DENND2A: variants seen among roughly 807,000 people sequenced by gnomAD.
DENND2A encodes the protein DENN domain containing 2A.
DENND2A carries 53 observed loss-of-function variants against 105.3 expected under a neutral mutation model. The observed-to-expected ratio is 0.50, with a 90% CI of 0.40 to 0.63. The LOEUF is 0.63. Ranked by LOEUF, DENND2A falls within the 30% of genes least tolerant of loss-of-function variation. The probability of loss-of-function intolerance (pLI) is 0.00; values close to 1 mark genes in which losing one functional copy is unlikely to be tolerated. For missense variants in DENND2A, 1,138 were observed against 1,279.6 expected (o/e 0.89, Z 1.69); for synonymous variants, 522 against 508.4 (o/e 1.03, Z -0.36).
chr7:140,618,783 T>TA (rs1353872315), intron 1 of DENND2A, among the ~76,000 whole-genome samples: 1 of 152,042 alleles, frequency 6.6e-6, no homozygotes, highest in Admixed American at 6.6e-5. Context: ...TTTTTTACGG[T>TA]TGTATGATTA....
chr7:140,585,487 G>C, intron 5 of DENND2A, 102 bp downstream of exon 5: 1 of 1,519,982 alleles, frequency 6.6e-7, no homozygotes, highest in Non-Finnish European at 9.0e-7. Context: ...GGCAGGGCAG[G>C]TGGAGGTGGC....
chr7:140,583,060 G>C (rs1798607062), intron 5 of DENND2A, among the ~76,000 whole-genome samples: 1 of 152,054 alleles, frequency 6.6e-6, no homozygotes, highest in Non-Finnish European at 1.5e-5. Flanking sequence ...GGGAGGCTGA[G>C]GCGGGTAGAT....
Position 140,551,256 on chromosome 7 carries a change from C to T in DENND2A, c.2038-4317G>A, listed in dbSNP as rs191594423. Among the ~76,000 whole-genome samples the T allele has an allele frequency of 2.9e-3, 420 of 142,908 alleles. 2 individuals carry two copies. Among genetic ancestry groups the T allele is most frequent in the Non-Finnish European group, 4.1e-3 (274 of 66,928 alleles). 93.8% of individuals were successfully genotyped at this position (142,908 alleles called of 152,430 possible). A position where few individuals can be genotyped will look rare whatever the true frequency, so the allele number is the denominator to read the frequency against. On this transcript the variant is annotated intron_variant, in intron 12 of 19. Coordinates refer to ENST00000496613, the MANE Select transcript of DENND2A (RefSeq NM_015689.5). ...TGGAGGTTGCAGTGAGCCAAGATCA[C>T]GCCACTGCCCTCCAGCCTGGGCGAC...
intron 1 of DENND2A, among the ~76,000 whole-genome samples, chr7:140,636,946 G>A (rs1232237703): frequency 6.6e-6 from 1 of 151,962 alleles, no homozygotes; most frequent in East Asian, 1.9e-4. Flanking sequence ...TGCAACCTCC[G>A]CCTCCTGGGT....
intron 1 of DENND2A, among the ~76,000 whole-genome samples, chr7:140,621,481 A>T (rs1210450485): frequency 1.3e-5 from 2 of 149,238 alleles, no homozygotes; most frequent in Admixed American, 1.4e-4. Flanking sequence ...AAATGCAAAC[A>T]CCCTAGGCAT....
chr7:140,570,759 C>T (rs1219543404), intron 6 of DENND2A, among the ~76,000 whole-genome samples: 2 of 152,248 alleles, frequency 1.3e-5, no homozygotes, highest in Non-Finnish European at 2.9e-5. Context: ...ACGCCCTGTG[C>T]CCTGCCCCTC....
Position 140,537,842 on chromosome 7 carries a change from G to A in DENND2A, c.2327+6776C>T, listed in dbSNP as rs78619203. On this transcript the variant is annotated intron_variant, in intron 14 of 19. Coordinates refer to ENST00000496613, the MANE Select transcript of DENND2A (RefSeq NM_015689.5). ...TTTTGCACATATTTGTTTACGTGCA[G>A]CTCTGACTTTATCATTCAGCCTGGT... Among the ~76,000 whole-genome samples, 1,146 of 152,286 alleles carry A rather than the reference G, an allele frequency of 7.5e-3. 19 individuals are homozygous for A. The highest frequency in any genetic ancestry group is 0.026 in the African/African-American group (1,080 of 41,552).
intron 3 of DENND2A, among the ~76,000 whole-genome samples, chr7:140,593,669 A>G (rs1799156843): frequency 6.6e-6 from 1 of 152,212 alleles, no homozygotes; most frequent in Non-Finnish European, 1.5e-5. Context: ...AAACCTGGAA[A>G]TCAGACTCCT....
chr7:140,606,398 T>C (rs77665018), intron 1 of DENND2A, among the ~76,000 whole-genome samples: 195 of 152,206 alleles, frequency 1.3e-3, no homozygotes, highest in Non-Finnish European at 2.2e-3. Context: ...CATACAAACT[T>C]AGAAAGCAAA....
At chr7:140,636,278 C>T (rs530206078) in intron 1 of DENND2A, among the ~76,000 whole-genome samples, 137 of 152,304 alleles carry the variant, frequency 9.0e-4, no homozygotes, top group Non-Finnish European at 1.7e-3. Context: ...AAACCAGTTT[C>T]ACTAAAATCT....
At chr7:140,544,433 G>A in intron 14 of DENND2A, 185 bp downstream of exon 14, 1 of 722,860 alleles carries the variant, frequency 1.4e-6, no homozygotes, top group Non-Finnish European at 2.4e-6. Context: ...GGTCTCAAGT[G>A]ATCCACCCAC....
rs1801166938 is a variant in DENND2A at position 140,640,620 on chromosome 7, T to C, written c.-364A>G. The C allele has an allele frequency of 1.4e-5, 2 of 148,100 alleles. No homozygotes were observed. 9.2% of individuals were successfully genotyped at this position (148,100 alleles called of 1,614,324 possible). ...GCGGCGGCGGGTGCCGGGGACGCCATGGCCCTCCGCCCTCCGCCCCTTTGT... is the reference window on the plus strand; with the variant it reads ...GCGGCGGCGGGTGCCGGGGACGCCACGGCCCTCCGCCCTCCGCCCCTTTGT... On this transcript the variant is annotated 5_prime_UTR_variant, in exon 1 of 20. The change abolishes an upstream ATG in the 5' untranslated region. Transcript: ENST00000496613. The surrounding 1 kb of genome is among the most constrained non-coding windows in gnomAD (Gnocchi z 4.9).
intron 10 of DENND2A, among the ~76,000 whole-genome samples, chr7:140,558,837 C>T (rs1466048904): frequency 3.5e-5 from 5 of 143,704 alleles, no homozygotes; most frequent in African/African-American, 5.2e-5. Context: ...GAGTCTCACT[C>T]GGTTGCCCAG....
chr7:140,632,863 C>A (rs1318693153), intron 1 of DENND2A, among the ~76,000 whole-genome samples: 1 of 143,266 alleles, frequency 7.0e-6, no homozygotes, highest in Admixed American at 6.8e-5. Flanking sequence ...CCATGCCTGG[C>A]CTTTTTTTTT....
chr7:140,528,775 G>T (rs1244316113), intron 14 of DENND2A, among the ~76,000 whole-genome samples: 1 of 131,830 alleles, frequency 7.6e-6, no homozygotes, highest in Non-Finnish European at 1.6e-5. Context: ...AAAAAAAAAA[G>T]AGATGACTGA....
chr7:140,639,345 C>G (rs1801089509), intron 1 of DENND2A, among the ~76,000 whole-genome samples: 1 of 151,864 alleles, frequency 6.6e-6, no homozygotes, highest in Admixed American at 6.6e-5. Flanking sequence ...GAGCAAGACT[C>G]TGTCTCAAAA....
intron 11 of DENND2A, among the ~76,000 whole-genome samples, chr7:140,557,054 A>C (rs1797391241): frequency 6.6e-6 from 1 of 152,150 alleles, no homozygotes; most frequent in Non-Finnish European, 1.5e-5. Context: ...TTTATTAGAA[A>C]AAAAAAAATT....
intron 18 of DENND2A, among the ~76,000 whole-genome samples, chr7:140,520,262 C>T (rs1468962192): frequency 6.6e-5 from 10 of 151,564 alleles, no homozygotes; most frequent in South Asian, 2.1e-4. Context: ...GCCAAGGTCA[C>T]GCCTTTGCAC....
chr7:140,621,572 T>C lies in DENND2A; in HGVS notation c.-247-15766A>G, dbSNP rs937963599. ...TATTTTCAGTCTGTGGTTGATTGAA[T>C]CCTCGGATGCGGAACTCACAGATAC... On this transcript the variant is annotated intron_variant, in intron 1 of 19. Coordinates refer to ENST00000496613, the MANE Select transcript of DENND2A (RefSeq NM_015689.5). Among the ~76,000 whole-genome samples the C allele has an allele frequency of 7.9e-4, 121 of 152,270 alleles. 1 individual carries two copies. The highest frequency in any genetic ancestry group is 1.5e-4 in the Non-Finnish European group (10 of 68,022).
Sources: allele counts gnomAD v4.1 joint callset (sites outside exome capture counted in the v4.1 genomes callset), GRCh38; gene constraint gnomAD v4.1.1; non-coding constraint Gnocchi (gnomAD v3.1); transcripts MANE v1.5; gene names NCBI Gene and HGNC (gene_info 2026-07-23, HGNC 2026-07-21).